The following ARID4B variants were observed in gnomAD, a reference collection of about 807,000 sequenced individuals.
ARID4B encodes AT-rich interactive domain-containing protein 4B.
In ARID4B, 26 loss-of-function variants were observed where a neutral mutation model predicts 147.5. The ratio of observed to expected loss-of-function variants is 0.18; its 90% CI spans 0.13 to 0.24. The LOEUF (loss-of-function observed/expected upper bound fraction) is 0.24, where lower values mean the gene tolerates loss of function less well. ARID4B is among the 10% of genes least tolerant of loss of function. The probability of loss-of-function intolerance (pLI) is 1.00; values close to 1 mark genes in which losing one functional copy is unlikely to be tolerated. For missense variants in ARID4B, 1,179 were observed against 1,511.5 expected (o/e 0.78, Z 3.65); for synonymous variants, 512 against 507.9 (o/e 1.01, Z -0.11).
chr1:235,247,405 T>C (rs925136196), intron 6 of ARID4B, among the ~76,000 whole-genome samples: 6 of 152,192 alleles, frequency 3.9e-5, no homozygotes, highest in African/African-American at 1.4e-4. Context: ...TTGTTATAAC[T>C]ACAATGAACA....
intron 6 of ARID4B, among the ~76,000 whole-genome samples, chr1:235,247,983 C>T (rs1383335454): frequency 2.0e-5 from 3 of 152,040 alleles, no homozygotes; most frequent in Non-Finnish European, 4.4e-5. Context: ...AGCGAAATTC[C>T]ATCTCAAAAA....
At chr1:235,236,862 A>ATATATATATTTTT (rs1426582533) in intron 8 of ARID4B, among the ~76,000 whole-genome samples, 3 of 17,490 alleles carry the variant, frequency 1.7e-4, no homozygotes, top group African/African-American at 2.2e-4. Flanking sequence ...ATATATATAT[A>ATATATATATTTTT]TTTTTTTTTT....
chr1:235,299,037 T>C (rs1383652500), intron 2 of ARID4B, among the ~76,000 whole-genome samples: 1 of 152,124 alleles, frequency 6.6e-6, no homozygotes, highest in Non-Finnish European at 1.5e-5. Context: ...GAGGATGGCT[T>C]GAACCCAGGA....
chr1:235,243,136 A>G (rs112973981), intron 7 of ARID4B, among the ~76,000 whole-genome samples: 192 of 152,184 alleles, frequency 1.3e-3, no homozygotes, highest in African/African-American at 4.5e-3. Flanking sequence ...AATGCTTGGC[A>G]CAGTATAGAT....
intron 2 of ARID4B, among the ~76,000 whole-genome samples, chr1:235,266,391 C>T (rs1670612489): frequency 6.6e-6 from 1 of 152,134 alleles, no homozygotes; most frequent in Non-Finnish European, 1.5e-5. Context: ...TATGGATCAT[C>T]TCAGAGGCTA....
At chr1:235,316,339 C>T (rs572014037) in intron 2 of ARID4B, among the ~76,000 whole-genome samples, 1 of 151,660 alleles carries the variant, frequency 6.6e-6, no homozygotes, top group Admixed American at 6.6e-5. Context: ...GAAGCCTCGT[C>T]TCCACTAAAA....
chr1:235,326,096 C>T (rs1242199280), intron 2 of ARID4B, among the ~76,000 whole-genome samples: 1 of 151,956 alleles, frequency 6.6e-6, no homozygotes, highest in Non-Finnish European at 1.5e-5. Flanking sequence ...GTCTAAGTTC[C>T]ACCAGTTGAA....
At chr1:235,220,260 AT>A (rs1225358862) in intron 15 of ARID4B, 41 bp downstream of exon 15, 1 of 1,537,288 alleles carries the variant, frequency 6.5e-7, no homozygotes, top group East Asian at 2.3e-5. Flanking sequence ...TATGGAAAAT[AT>A]ACCAAAGAAA....
Position 235,240,336 on chromosome 1 carries a change from T to G in ARID4B, c.562A>C (p.Lys188Gln). ...ACCAATGCAGGAAACCACAGTGCTT[T>G]CTTTTTATCCAAACTAATGTAATCT... ...CVDYISLDKKKALWFPALVVC... is the reference protein window; with the variant it reads ...CVDYISLDKKQALWFPALVVC... Residue 188 changes from lysine (K) to glutamine (Q), a missense_variant, in exon 8 of 24, where the codon AAA becomes CAA. Physicochemically the swap from Lys to Gln is moderately conservative, Grantham distance 53. Transcript: ENST00000264183. 6.2e-7 allele frequency: 1 copy of G among 1,613,296 alleles called. No individual in the cohort carries two copies. The highest frequency in any genetic ancestry group is 8.5e-7 in the Non-Finnish European group (1 of 1,179,542).
At chr1:235,263,420 A>T (rs1346621844) in intron 2 of ARID4B, among the ~76,000 whole-genome samples, 1 of 152,174 alleles carries the variant, frequency 6.6e-6, no homozygotes, top group Non-Finnish European at 1.5e-5. Context: ...ATTCACAGAC[A>T]CTAGCAACAT....
rs756679618 is a variant in ARID4B, at chr1:235,181,748, C to G, written c.3171G>C (p.Glu1057Asp). 1 of 1,614,142 alleles carries G rather than the reference C, an allele frequency of 6.2e-7. No homozygotes were observed. Among genetic ancestry groups the G allele is most frequent in the South Asian group, 1.1e-5 (1 of 91,082 alleles). ...CAGTTTCACTCTTGATACTTCGAAC[C>G]TCTTCTTGGTTTGGAGCCAGTGGTT... ...VSEPLAPNQE[E>D]VRSIKSETDS... The change falls in exon 20 of 24, where the codon GAG (glutamate) becomes GAC (aspartate). Residue 1057 changes from glutamate (E) to aspartate (D), a missense_variant. Glu to Asp is a conservative substitution (Grantham distance 45, BLOSUM62 2). Transcript: ENST00000264183.
In ARID4B at chr1:235,182,150, A is replaced by T; in HGVS notation, c.2769T>A (p.Asp923Glu). 1 of 1,614,068 alleles carries T rather than the reference A, an allele frequency of 6.2e-7. No individual in the cohort carries two copies. Among genetic ancestry groups the T allele is most frequent in the Non-Finnish European group, 8.5e-7 (1 of 1,180,004 alleles). ...DERLQNSRAK[D>E]RKDVWSSIQG... ...GAATACTTGACCAGACATCTTTTCG[A>T]TCTTTGGCCCTGCTGTTTTGAAGTC... Residue 923 changes from aspartate (D) to glutamate (E), a missense_variant, in exon 20 of 24, where the codon GAT (aspartate) becomes GAA (glutamate). Physicochemically the swap from Asp to Glu is conservative, Grantham distance 45. Around this residue, in one of 10 missense-constraint regions of ARID4B, gnomAD observed 321 missense variants for 342.4 expected, o/e 0.94. Transcript: ENST00000264183.
At position 235,191,620 on chromosome 1, in the gene ARID4B, C is replaced by A. The variant is rs796166368; in HGVS notation, c.2125+2393G>T. On this transcript the variant is annotated intron_variant, in intron 19 of 23. Transcript: ENST00000264183. ...TTATCAGAACTGGCTTATGACCTGTCCAACTGAATTCTCTAGAGGGGCTTT... is the reference window on the plus strand; with the variant it reads ...TTATCAGAACTGGCTTATGACCTGTACAACTGAATTCTCTAGAGGGGCTTT... Among the ~76,000 whole-genome samples the A allele has an allele frequency of 2.0e-5, 3 of 152,092 alleles. No individual in the cohort carries two copies. In the South Asian group the frequency reaches 6.2e-4, roughly 32 times the overall value.
chr1:235,283,639 C>T (rs1490672964), intron 2 of ARID4B, among the ~76,000 whole-genome samples: 1 of 152,002 alleles, frequency 6.6e-6, no homozygotes, highest in African/African-American at 2.4e-5. Flanking sequence ...TATTATTTAA[C>T]ATTTACTTAA....
intron 2 of ARID4B, among the ~76,000 whole-genome samples, chr1:235,296,490 G>A (rs1672717412): frequency 6.8e-6 from 1 of 147,966 alleles, no homozygotes; most frequent in African/African-American, 2.5e-5. Context: ...CTTTTTTTTT[G>A]AGACAGGGTC....
intron 16 of ARID4B, 73 bp from the exon 17 acceptor site, chr1:235,214,099 T>A: frequency 6.7e-7 from 1 of 1,496,504 alleles, no homozygotes; most frequent in Non-Finnish European, 8.9e-7. Flanking sequence ...ACCACATATA[T>A]TGATAAAAGT....
intron 21 of ARID4B, among the ~76,000 whole-genome samples, chr1:235,176,219 A>T (rs920647714): frequency 1.3e-5 from 2 of 152,102 alleles, no homozygotes; most frequent in African/African-American, 4.8e-5. Flanking sequence ...CCCAATAAGT[A>T]AAATGGGAGA....
intron 7 of ARID4B, among the ~76,000 whole-genome samples, chr1:235,245,501 TA>T (rs1388106444): frequency 3.3e-5 from 5 of 152,128 alleles, no homozygotes; most frequent in African/African-American, 1.2e-4. Context: ...TTCTAAAAAT[TA>T]AAAAAACTTA....
intron 13 of ARID4B, among the ~76,000 whole-genome samples, chr1:235,222,110 C>T (rs1387172171): frequency 6.6e-6 from 1 of 151,844 alleles, no homozygotes; most frequent in Non-Finnish European, 1.5e-5. Context: ...TGGAGTCTCA[C>T]CATGTTGCCC....
Sources: gnomAD v4.1 joint callset for allele counts (sites outside exome capture counted in the v4.1 genomes callset) on GRCh38, gnomAD v4.1.1 for gene constraint, gnomAD v4.1.1 regional missense constraint, MANE v1.5 for transcripts, NCBI Gene and HGNC (gene_info 2026-07-23, HGNC 2026-07-21) for gene names.